ZNF738: variants seen among roughly 807,000 people sequenced by gnomAD.
ZNF738 encodes the protein zinc finger protein 738.
ZNF738 carries 10 observed loss-of-function variants against 9.2 expected under a neutral mutation model. The ratio of observed to expected loss-of-function variants is 1.09; its 90% confidence interval spans 0.67 to 1.85. The LOEUF is 1.85. ZNF738 is among the 40% of genes most tolerant of loss of function. ZNF738 has a pLI of 0.00. For missense variants in ZNF738, 346 were observed against 283.6 expected (o/e 1.22, Z -1.58); for synonymous variants, 113 against 94.5 (o/e 1.20, Z -1.14).
chr19:21,367,729 C>G (rs1973801477), intron 2 of ZNF738, among the ~76,000 whole-genome samples: 1 of 151,992 alleles, frequency 6.6e-6, no homozygotes, highest in African/African-American at 2.4e-5. Context: ...AATGACAGAC[C>G]CTCTGTCTCA....
intron 2 of ZNF738, chr19:21,372,681 A>T (rs1973871983): frequency 6.6e-6 from 1 of 152,200 alleles, no homozygotes; most frequent in African/African-American, 2.4e-5. Flanking sequence ...ACTACATTCT[A>T]AATCCTGAGA....
Position 21,385,995 on chromosome 19 carries a change from G to A in ZNF738, c.*2321G>A, listed in dbSNP as rs376196845. On this transcript the variant is annotated 3_prime_UTR_variant, in exon 5 of 5. Transcript: ENST00000683779. ...ACCCTGATGACACATAAGGTAATTCGTGCTGGAGAGAAACCCTACAAATAT... is the reference window on the plus strand; with the variant it reads ...ACCCTGATGACACATAAGGTAATTCATGCTGGAGAGAAACCCTACAAATAT... 2.0e-5 allele frequency among the ~76,000 whole-genome samples: 3 copies of A among 151,468 alleles called. No individual in the cohort carries two copies. Among genetic ancestry groups the A allele is most frequent in the South Asian group, 2.1e-4 (1 of 4,782 alleles).
At position 21,384,080 on chromosome 19, in the gene ZNF738, C is replaced by T. The variant is rs573838074; in HGVS notation, c.*406C>T. The T allele has an allele frequency of 1.3e-5, 20 of 1,560,034 alleles. No individual in the cohort carries two copies. The East Asian group carries it at 3.6e-4, about 28-fold the overall frequency. Reference sequence around the variant, plus strand: ...GAATTCACACTGGAGAGAAACCCTACAAATGTGAAGAATGTGGCAAAGCTT... The same window carrying T: ...GAATTCACACTGGAGAGAAACCCTATAAATGTGAAGAATGTGGCAAAGCTT... On this transcript the variant is annotated 3_prime_UTR_variant, in exon 5 of 5. Coordinates refer to ENST00000683779, the MANE Select transcript of ZNF738 (RefSeq NM_001355237.2).
intron 1 of ZNF738, among the ~76,000 whole-genome samples, chr19:21,361,261 C>T (rs12974735): frequency 0.57 from 85,930 of 151,788 alleles, 24,597 homozygotes; most frequent in Middle Eastern, 0.69. Context: ...CCTCAGCCTC[C>T]GAGTAGCTGG....
Position 21,371,449 on chromosome 19 carries a change from A to G in ZNF738, c.97-3789A>G, listed in dbSNP as rs573461931. 8.2e-4 allele frequency among the ~76,000 whole-genome samples: 125 copies of G among 152,346 alleles called. 1 individual carries two copies. Among genetic ancestry groups the G allele is most frequent in the African/African-American group, 2.8e-3 (115 of 41,588 alleles). ...CCTGTGTTTTTTTCTCCCTCATACA[A>G]GAGATAACTTTGGTTGTTACCCAGA... is the stretch of plus-strand genomic sequence containing the variant. On this transcript the variant is annotated intron_variant, in intron 2 of 4. Transcript: ENST00000683779.
At chr19:21,377,362 T>C in intron 4 of ZNF738, 1 of 683,028 alleles carries the variant, frequency 1.5e-6, no homozygotes, top group Non-Finnish European at 2.7e-6. Context: ...CTTACTAATA[T>C]TCTGTCTTGT....
At chr19:21,364,030 C>T (rs1006025965) in intron 2 of ZNF738, among the ~76,000 whole-genome samples, 4 of 151,512 alleles carry the variant, frequency 2.6e-5, no homozygotes, top group African/African-American at 9.7e-5. Context: ...AACCCCGTCT[C>T]TACTAAAAAT....
At chr19:21,359,794 G>C (rs1015317729) in intron 1 of ZNF738, among the ~76,000 whole-genome samples, 1 of 152,024 alleles carries the variant, frequency 6.6e-6, no homozygotes, top group Admixed American at 6.6e-5. Context: ...GGAGAATGGC[G>C]TGAACCCAGG....
At position 21,385,673 on chromosome 19, in the gene ZNF738, A is replaced by G. The variant is rs1456879906; in HGVS notation, c.*1999A>G. On this transcript the variant is annotated 3_prime_UTR_variant, in exon 5 of 5. Coordinates refer to ENST00000683779, the MANE Select transcript of ZNF738 (RefSeq NM_001355237.2). ...GCACATAAGATAATTCATACTGGAGAGAAACTCTACAAATGTCAAGAATGT... is the reference window on the plus strand; with the variant it reads ...GCACATAAGATAATTCATACTGGAGGGAAACTCTACAAATGTCAAGAATGT... Among the ~76,000 whole-genome samples, 2 of 152,178 alleles carry G rather than the reference A, an allele frequency of 1.3e-5. No individual in the cohort carries two copies. The highest frequency in any genetic ancestry group is 4.8e-5 in the African/African-American group (2 of 41,450).
At chr19:21,359,316 C>T (rs1282185445) in intron 1 of ZNF738, among the ~76,000 whole-genome samples, 173 bp downstream of exon 1, 2 of 152,200 alleles carry the variant, frequency 1.3e-5, no homozygotes, top group Non-Finnish European at 2.9e-5. Flanking sequence ...GCGGTTGCGC[C>T]GACAGCCCGG....
Position 21,383,845 on chromosome 19 carries a change from G to T in ZNF738, c.*171G>T. On this transcript the variant is annotated 3_prime_UTR_variant, in exon 5 of 5. Transcript: ENST00000683779. ...AAACCCTACAAATGTGGAGAATGTG[G>T]CAAAGCTTTCTTCAGATTCTCATAC... The T allele has an allele frequency of 7.5e-7, 1 of 1,334,072 alleles. No homozygotes were observed. Among genetic ancestry groups the T allele is most frequent in the Non-Finnish European group, 1.1e-6 (1 of 933,164 alleles). 82.6% of individuals were successfully genotyped at this position (1,334,072 alleles called of 1,614,324 possible). A position where few individuals can be genotyped will look rare whatever the true frequency, so the allele number is the denominator to read the frequency against.
chr19:21,378,748 T>A (rs1268312917), intron 4 of ZNF738: 4 of 306,262 alleles, frequency 1.3e-5, no homozygotes, highest in Non-Finnish European at 2.1e-5. Context: ...TACGGGCATA[T>A]GCCACCACAC....
At chr19:21,381,973 C>T in intron 4 of ZNF738, 1 of 209,404 alleles carries the variant, frequency 4.8e-6, no homozygotes, top group Non-Finnish European at 1.1e-5. Context: ...GCTGCCTCAG[C>T]CTGTCTCCAT....
chr19:21,382,929 A>C lies in ZNF738; in HGVS notation c.383A>C (p.Lys128Thr). The C allele has an allele frequency of 1.7e-6, 1 of 572,828 alleles. No homozygotes were observed. The highest frequency in any genetic ancestry group is 1.8e-5 in the South Asian group (1 of 55,954). 35.5% of individuals were successfully genotyped at this position (572,828 alleles called of 1,614,324 possible). A position where few individuals can be genotyped will look rare whatever the true frequency, so the allele number is the denominator to read the frequency against. ...PQPGIKDSFQ[K>T]VILREYGNYG... Reference sequence around the variant, plus strand: ...CCGGGCATAAAAGATTCTTTCCAAAAAGTGATACTGAGAGAATATGGAAAT... The same window carrying C: ...CCGGGCATAAAAGATTCTTTCCAAACAGTGATACTGAGAGAATATGGAAAT... The change falls in exon 5 of 5, where the codon AAA becomes ACA. Residue 128 changes from lysine to threonine, a missense_variant. Transcript: ENST00000683779.
chr19:21,368,991 G>A (rs1248718881), intron 2 of ZNF738, among the ~76,000 whole-genome samples: 3 of 152,108 alleles, frequency 2.0e-5, no homozygotes, highest in African/African-American at 7.2e-5. Context: ...ATCTGCGTCA[G>A]CCTCCCAAAG....
rs563984423 is a variant in ZNF738, at chr19:21,359,253, G to C, written c.3+110G>C. 1.0e-4 allele frequency: 85 copies of C among 833,910 alleles called. No individual in the cohort carries two copies. In the East Asian group the frequency reaches 1.9e-3, roughly 19 times the overall value. 51.7% of individuals were successfully genotyped at this position (833,910 alleles called of 1,614,324 possible). ...CCCCGCAGTCAGCTCTACAATCTGC[G>C]CCCCGAGTTCTCCTTGCCCAGCTCG... On this transcript the variant is annotated intron_variant, in intron 1 of 4. Transcript: ENST00000683779.
At position 21,387,239 on chromosome 19, in the gene ZNF738, T is replaced by C. The variant is rs1426889880; in HGVS notation, c.*3565T>C. 2 of 151,982 alleles carry C rather than the reference T, an allele frequency of 1.3e-5. No homozygotes were observed. The highest frequency in any genetic ancestry group is 2.9e-5 in the Non-Finnish European group (2 of 68,022). 9.4% of individuals were successfully genotyped at this position (151,982 alleles called of 1,614,324 possible). On this transcript the variant is annotated 3_prime_UTR_variant, in exon 5 of 5. Coordinates refer to ENST00000683779, the MANE Select transcript of ZNF738 (RefSeq NM_001355237.2). ...GTCTCACTCTTGTCCCCCAGGCTGG[T>C]GTGCAATGGCATGATGTCGGCTCAC...
rs1452372454 is a variant in ZNF738, at chr19:21,383,452, C to T, written c.906C>T (p.His302=). Residue 302 remains histidine, a synonymous_variant, in exon 5 of 5, where the codon CAC becomes CAT. Transcript: ENST00000683779. ...GCAAAGATTTTAAACAGTCCTCACACCTTACTAAACATAAGACAATTCATG... is the reference window on the plus strand; with the variant it reads ...GCAAAGATTTTAAACAGTCCTCACATCTTACTAAACATAAGACAATTCATG... ...KCGKDFKQSS[H]LTKHKTIHAG... The T allele has an allele frequency of 1.9e-6, 1 of 539,876 alleles. No individual in the cohort carries two copies. The highest frequency in any genetic ancestry group is 2.0e-5 in the African/African-American group (1 of 48,942). 33.4% of individuals were successfully genotyped at this position (539,876 alleles called of 1,614,324 possible). A position where few individuals can be genotyped will look rare whatever the true frequency, so the allele number is the denominator to read the frequency against.
intron 2 of ZNF738, among the ~76,000 whole-genome samples, chr19:21,373,777 CTTT>C (rs34606176): frequency 8.4e-5 from 11 of 130,874 alleles, no homozygotes; most frequent in African/African-American, 2.6e-4. Flanking sequence ...GGAAAAATGG[CTTT>C]TTTTTTTTTT....
Sources: allele counts gnomAD v4.1 joint callset (sites outside exome capture counted in the v4.1 genomes callset), GRCh38; gene constraint gnomAD v4.1.1; transcripts MANE v1.5; gene names NCBI Gene and HGNC (gene_info 2026-07-23, HGNC 2026-07-21).